Variants in BRF1 observed in about 807,000 individuals in gnomAD.
The protein encoded by BRF1 is BRF1 general transcription factor IIIB subunit.
BRF1 carries 59 observed loss-of-function variants against 81.7 expected under a neutral mutation model. The ratio of observed to expected loss-of-function variants is 0.72; its 90% CI spans 0.59 to 0.90. The LOEUF is 0.90. BRF1 is among the 40% of genes least tolerant of loss of function. The pLI, the probability that BRF1 is intolerant of heterozygous loss-of-function variation, is 0.00. For missense variants in BRF1, 1,050 were observed against 936.3 expected (o/e 1.12, Z -1.58); for synonymous variants, 491 against 395.6 (o/e 1.24, Z -2.86).
At chr14:105,286,258 C>T (rs750625085) in intron 2 of BRF1, 38 bp downstream of exon 2, 1 of 1,585,402 alleles carries the variant, frequency 6.3e-7, no homozygotes, top group South Asian at 1.1e-5. Context: ...ATCTCTGGGA[C>T]CCGCCGCACG....
intron 5 of BRF1, chr14:105,247,382 G>C: frequency 2.0e-6 from 2 of 985,444 alleles, no homozygotes; most frequent in Non-Finnish European, 2.4e-6. Context: ...CCCCATTCCT[G>C]GGAGAAATGA....
intron 3 of BRF1, among the ~76,000 whole-genome samples, chr14:105,259,377 C>G (rs587715011): frequency 6.4e-5 from 9 of 141,684 alleles, no homozygotes; most frequent in African/African-American, 2.6e-4. Flanking sequence ...CCCAAGAGGT[C>G]GAGGTTGCAG....
chr14:105,219,994 C>G (rs909877932), intron 12 of BRF1, 75 bp downstream of exon 12: 1 of 1,574,886 alleles, frequency 6.3e-7, no homozygotes, highest in African/African-American at 1.3e-5. Flanking sequence ...CAACCCCGCC[C>G]GACCACTCAG....
intron 1 of BRF1, among the ~76,000 whole-genome samples, chr14:105,306,199 AGGGTTAGAGTTTT>A (rs2058181570): frequency 6.6e-6 from 1 of 152,206 alleles, no homozygotes; most frequent in South Asian, 2.1e-4. Flanking sequence ...CCTGACCAGC[AGGGTTAGAGTTTT>A]GAAGGACACG....
intron 3 of BRF1, among the ~76,000 whole-genome samples, chr14:105,267,642 T>C (rs939381056): frequency 6.6e-6 from 1 of 152,174 alleles, no homozygotes; most frequent in Non-Finnish European, 1.5e-5. Flanking sequence ...TGCCTAATGA[T>C]GTGTGCACCA....
intron 1 of BRF1, among the ~76,000 whole-genome samples, chr14:105,287,069 C>A (rs760145239): frequency 6.6e-6 from 1 of 152,252 alleles, no homozygotes; most frequent in South Asian, 2.1e-4. Context: ...AAGGCCCCCA[C>A]GCCTCAGTCC....
chr14:105,315,003 GA>G lies in BRF1; in HGVS notation c.-162+318del. 8.0e-7 allele frequency: 1 copy of G among 1,255,144 alleles called. No individual in the cohort carries two copies. 77.8% of individuals were successfully genotyped at this position (1,255,144 alleles called of 1,614,324 possible). ...GCCCATGAACCTGTTCGCCACCTGG[GA>G]GGTGGACGGCTCCAGCCCCAGCTGC... On this transcript the variant is annotated intron_variant, in intron 1 of 17. Coordinates refer to the BRF1 transcript ENST00000327359. The surrounding 1 kb of genome is among the most constrained non-coding windows in gnomAD (Gnocchi z 4.4).
upstream of BRF1, among the ~76,000 whole-genome samples, chr14:105,301,602 G>A (rs982557636): frequency 6.6e-6 from 1 of 152,222 alleles, no homozygotes; most frequent in Admixed American, 6.5e-5. Flanking sequence ...CATTTGCGGC[G>A]TCCGCCGCTC....
At chr14:105,254,710 C>T (rs945608569) in intron 4 of BRF1, among the ~76,000 whole-genome samples, 3 of 152,090 alleles carry the variant, frequency 2.0e-5, no homozygotes, top group Non-Finnish European at 4.4e-5. Flanking sequence ...TATAGGCATC[C>T]GCCACAACGC....
chr14:105,250,257 G>A (rs1478731066), intron 5 of BRF1: 1 of 1,613,134 alleles, frequency 6.2e-7, no homozygotes. Context: ...GCCTACCGCA[G>A]CAACCAGTGG....
At chr14:105,224,749 T>C (rs1892822922) in intron 10 of BRF1, among the ~76,000 whole-genome samples, 1 of 152,236 alleles carries the variant, frequency 6.6e-6, no homozygotes, top group South Asian at 2.1e-4. Context: ...GGTCTCACTA[T>C]GCTGACCAGG....
At chr14:105,217,897 G>A (rs587630561) in intron 14 of BRF1, 97 bp from the exon 15 acceptor site, 2 of 1,535,882 alleles carry the variant, frequency 1.3e-6, no homozygotes, top group African/African-American at 2.7e-5. Flanking sequence ...GGCGGGTGAG[G>A]CCTGGCTCAG....
At position 105,300,439 on chromosome 14, in the gene BRF1, G is replaced by T; in HGVS notation, c.184+7C>A. On this transcript the variant is annotated splice_region_variant and intron_variant, in intron 1 of 17. Transcript: ENST00000547530. ...AAATCCGCGCAGCGCCAGCCCGCGG[G>T]ACTCACCGTCCAGGGACACGAACTG... is the stretch of plus-strand genomic sequence containing the variant. 1 of 1,520,710 alleles carries T rather than the reference G, an allele frequency of 6.6e-7. No individual in the cohort carries two copies. The allele number at this position is 1,520,710 out of a possible 1,614,324, so 94.2% of individuals were successfully genotyped here.
chr14:105,249,771 A>C, intron 5 of BRF1: 3 of 1,613,886 alleles, frequency 1.9e-6, no homozygotes, highest in Non-Finnish European at 2.5e-6. Flanking sequence ...TTGGAAGCCA[A>C]GAACGCCTGC....
At chr14:105,212,291 G>T in intron 15 of BRF1, 127 bp from the exon 16 acceptor site, 1 of 1,281,934 alleles carries the variant, frequency 7.8e-7, no homozygotes, top group Non-Finnish European at 1.1e-6. Context: ...TGGAAGCCTG[G>T]TTCTGCGTCC....
Position 105,228,802 on chromosome 14 carries a change from T to A in BRF1, c.788+18A>T, listed in dbSNP as rs761538213. ...AAGCCTCTGTGTGGTCCCCATGCCATGAATGAGAGCCCCTCACCTCTTCCG... is the reference window on the plus strand; with the variant it reads ...AAGCCTCTGTGTGGTCCCCATGCCAAGAATGAGAGCCCCTCACCTCTTCCG... On this transcript the variant is annotated intron_variant, in intron 7 of 17. Coordinates refer to ENST00000547530, the MANE Select transcript of BRF1 (RefSeq NM_001519.4). 2 of 1,613,370 alleles carry A rather than the reference T, an allele frequency of 1.2e-6. No homozygotes were observed. The highest frequency in any genetic ancestry group is 8.5e-7 in the Non-Finnish European group (1 of 1,179,742).
At chr14:105,274,075 G>A (rs1220916214) in intron 2 of BRF1, among the ~76,000 whole-genome samples, 1 of 152,224 alleles carries the variant, frequency 6.6e-6, no homozygotes. Context: ...GATTAGACAC[G>A]TTGGTAGCAA....
At chr14:105,280,453 GT>G (rs1566860933) in intron 2 of BRF1, among the ~76,000 whole-genome samples, 1 of 152,242 alleles carries the variant, frequency 6.6e-6, no homozygotes, top group African/African-American at 2.4e-5. Context: ...GTGGTTACCC[GT>G]CACTACGCAT....
intron 1 of BRF1, among the ~76,000 whole-genome samples, chr14:105,297,716 G>T (rs1378624227): frequency 6.6e-6 from 1 of 152,038 alleles, no homozygotes; most frequent in Non-Finnish European, 1.5e-5. Flanking sequence ...CTCCAAAACG[G>T]CCCGGTGCAG....
Sources: allele counts gnomAD v4.1 joint callset (sites outside exome capture counted in the v4.1 genomes callset), GRCh38; gene constraint gnomAD v4.1.1; non-coding constraint Gnocchi (gnomAD v3.1); transcripts MANE v1.5; gene names NCBI Gene and HGNC (gene_info 2026-07-23, HGNC 2026-07-21).